NOX4: variants seen among roughly 807,000 people sequenced by gnomAD.
NOX4 encodes the protein NADPH oxidase 4, also known as kidney oxidase-1.
NOX4 carries 69 observed loss-of-function variants against 87.6 expected under a neutral mutation model. That is an observed-to-expected ratio of 0.79 (90% CI 0.65 to 0.96). NOX4 has a LOEUF of 0.96. Ranked by LOEUF, NOX4 falls within the 40% of genes least tolerant of loss-of-function variation. The probability of loss-of-function intolerance (pLI) is 0.00; values close to 1 mark genes in which losing one functional copy is unlikely to be tolerated. For synonymous variants in NOX4, 275 were observed against 238.2 expected, an observed-to-expected ratio of 1.15 and a Z score of -1.42; for missense variants, 680 against 681.5, an observed-to-expected ratio of 1.00 and a Z score of 0.02.
At position 89,389,712 on chromosome 11, in the gene NOX4, G is replaced by A. The variant is rs773448920; in HGVS notation, c.1074+10305C>T. Among the ~76,000 whole-genome samples, 8 of 152,256 alleles carry A rather than the reference G, an allele frequency of 5.3e-5. No individual in the cohort carries two copies. In the East Asian group the frequency reaches 1.5e-3, roughly 29 times the overall value. Reference sequence around the variant, plus strand: ...ATAGATGTCCAAAAGTAAGAGCAGTGTTAGCAATATGAAAGCCCTCAGCAT... The same window carrying A: ...ATAGATGTCCAAAAGTAAGAGCAGTATTAGCAATATGAAAGCCCTCAGCAT... On this transcript the variant is annotated intron_variant, in intron 11 of 17. Transcript: ENST00000263317.
chr11:89,432,857 C>G lies in NOX4; in HGVS notation c.476-1G>C. On this transcript the variant is annotated splice_acceptor_variant, in intron 6 of 17. Coordinates refer to ENST00000263317, the MANE Select transcript of NOX4 (RefSeq NM_016931.5). LOFTEE classifies it high-confidence loss of function. Reference sequence around the variant, plus strand: ...ATGCAGACCCCTGTCAGGCCAGGAACTATAAAAATGTATACAAGTAGGTTT... The same window carrying G: ...ATGCAGACCCCTGTCAGGCCAGGAAGTATAAAAATGTATACAAGTAGGTTT... The G allele has an allele frequency of 1.9e-6, 3 of 1,605,684 alleles. No individual in the cohort carries two copies. The African/African-American group carries it at 4.0e-5, about 21-fold the overall frequency.
chr11:89,488,853 T>C, intron 2 of NOX4: 1 of 605,636 alleles, frequency 1.7e-6, no homozygotes, highest in Non-Finnish European at 2.9e-6. Context: ...CATGTGTTTA[T>C]TAGAAGAAAC....
the NOX4 span, among the ~76,000 whole-genome samples, chr11:89,554,636 C>T: frequency 2.2e-3 from 340 of 152,138 alleles, no homozygotes; most frequent in Middle Eastern, 6.8e-3. Flanking sequence ...TTACCTAATT[C>T]GGTATCTCAT....
chr11:89,430,155 C>A (rs528676458), intron 7 of NOX4, among the ~76,000 whole-genome samples: 72 of 152,200 alleles, frequency 4.7e-4, no homozygotes, highest in African/African-American at 1.7e-3. Flanking sequence ...ATTCAACAAC[C>A]CTTCATGCTA....
At chr11:89,569,202 T>C in the NOX4 span, among the ~76,000 whole-genome samples, 1 of 129,540 alleles carries the variant, frequency 7.7e-6, no homozygotes, top group Non-Finnish European at 1.7e-5. Context: ...AAAACAAAAA[T>C]GGACAAGTAG....
At chr11:89,475,573 C>T (rs1050504595) in intron 2 of NOX4, among the ~76,000 whole-genome samples, 1 of 151,948 alleles carries the variant, frequency 6.6e-6, no homozygotes, top group African/African-American at 2.4e-5. Context: ...GCTGCTGATC[C>T]CTTTTCTTCT....
intron 2 of NOX4, among the ~76,000 whole-genome samples, chr11:89,479,673 A>T (rs904449783): frequency 2.0e-5 from 3 of 152,198 alleles, no homozygotes; most frequent in African/African-American, 4.8e-5. Context: ...AGCCATTGTC[A>T]AATTCAACTT....
At chr11:89,394,326 T>C (rs1189050800) in intron 11 of NOX4, among the ~76,000 whole-genome samples, 7 of 140,836 alleles carry the variant, frequency 5.0e-5, no homozygotes, top group Non-Finnish European at 9.2e-5. Context: ...CTCTCTACTT[T>C]TGTTTATGTT....
chr11:89,376,387 G>T (rs1939836752), intron 11 of NOX4, among the ~76,000 whole-genome samples: 1 of 152,096 alleles, frequency 6.6e-6, no homozygotes, highest in African/African-American at 2.4e-5. Flanking sequence ...CACTAATATT[G>T]CCTAGATCAC....
intron 13 of NOX4, among the ~76,000 whole-genome samples, chr11:89,346,544 G>T (rs1946223145): frequency 6.9e-6 from 1 of 144,130 alleles, no homozygotes; most frequent in Admixed American, 6.8e-5. Flanking sequence ...AAAGATGTAT[G>T]GCAGCTGAAT....
chr11:89,444,602 A>C (rs1944608081), intron 4 of NOX4, among the ~76,000 whole-genome samples: 1 of 151,808 alleles, frequency 6.6e-6, no homozygotes, highest in Admixed American at 6.6e-5. Context: ...CACCTCCCTG[A>C]TATTTTAGGT....
intron 7 of NOX4, among the ~76,000 whole-genome samples, chr11:89,429,640 C>A (rs1219527214): frequency 6.6e-6 from 1 of 152,152 alleles, no homozygotes; most frequent in African/African-American, 2.4e-5. Flanking sequence ...GAAACATACA[C>A]CCTCCCAAGA....
chr11:89,438,895 T>A lies in NOX4; in HGVS notation c.475+1793A>T, dbSNP rs1274650531. On this transcript the variant is annotated intron_variant, in intron 6 of 17. Coordinates refer to ENST00000263317, the MANE Select transcript of NOX4 (RefSeq NM_016931.5). ...TATATAATATATAATATATTATATA[T>A]TATATATATAATATATAATATAAAA... Among the ~76,000 whole-genome samples the A allele has an allele frequency of 1.2e-4, 3 of 25,956 alleles. No individual in the cohort carries two copies. In the East Asian group the frequency reaches 4.4e-3, roughly 38 times the overall value. The allele number at this position is 25,956 out of a possible 152,430, so 17.0% of individuals were successfully genotyped here.
At chr11:89,438,466 A>G (rs1381925279) in intron 6 of NOX4, among the ~76,000 whole-genome samples, 34 of 83,790 alleles carry the variant, frequency 4.1e-4, no homozygotes, top group African/African-American at 2.1e-3. Context: ...TACAGCATAT[A>G]TATTATATAC....
chr11:89,545,623 A>T, the NOX4 span: 1 of 152,048 alleles, frequency 6.6e-6, no homozygotes, highest in East Asian at 1.9e-4. Flanking sequence ...AGATACCTCA[A>T]ATGTAAATAT....
intron 16 of NOX4, among the ~76,000 whole-genome samples, chr11:89,336,827 G>A (rs1369585801): frequency 3.3e-5 from 5 of 152,006 alleles, no homozygotes; most frequent in Non-Finnish European, 5.9e-5. Flanking sequence ...ACATTCAAAT[G>A]TTGTATTCCA....
intron 3 of NOX4, 44 bp from the exon 4 acceptor site, chr11:89,449,568 G>A (rs766657722): frequency 2.7e-6 from 4 of 1,474,952 alleles, no homozygotes; most frequent in South Asian, 2.3e-5. Context: ...TGCAACAAAT[G>A]TGATAAAAGT....
intron 7 of NOX4, among the ~76,000 whole-genome samples, chr11:89,430,290 G>C (rs1591219978): frequency 6.6e-6 from 1 of 152,110 alleles, no homozygotes; most frequent in Admixed American, 6.6e-5. Context: ...TTGAAAACTG[G>C]CACAAGACAG....
chr11:89,533,825 T>G, the NOX4 span: 1 of 152,192 alleles, frequency 6.6e-6, no homozygotes, highest in Non-Finnish European at 1.5e-5. Context: ...TGTCCTGAAT[T>G]TTTTCTTCTG....
Sources: gnomAD v4.1 joint callset for allele counts (sites outside exome capture counted in the v4.1 genomes callset) on GRCh38, gnomAD v4.1.1 for gene constraint, MANE v1.5 for transcripts, NCBI Gene and HGNC (gene_info 2026-07-23, HGNC 2026-07-21) for gene names.